Variants in WWOX observed in about 807,000 individuals in gnomAD.
WWOX encodes the protein WW domain-containing oxidoreductase.
A neutral mutation model predicts 46.2 loss-of-function variants in WWOX; 69 were observed. The ratio of observed to expected loss-of-function variants is 1.49; its 90% CI spans 1.23 to 1.82. The LOEUF is 1.82. WWOX is among the 40% of genes most tolerant of loss of function. The probability of loss-of-function intolerance (pLI) is 0.00; values close to 1 mark genes in which losing one functional copy is unlikely to be tolerated. For missense variants in WWOX, 919 were observed against 542.6 expected, an observed-to-expected ratio of 1.69 and a Z score of -6.89; for synonymous variants, 359 against 202.6, an observed-to-expected ratio of 1.77 and a Z score of -6.56.
At chr16:78,333,076 G>T (rs1197427530) in intron 5 of WWOX, among the ~76,000 whole-genome samples, 3 of 51,172 alleles carry the variant, frequency 5.9e-5, no homozygotes, top group East Asian at 2.4e-4. Context: ...TTGAGACAGA[G>T]TCTAGCTCTG....
intron 8 of WWOX, among the ~76,000 whole-genome samples, chr16:78,684,098 G>A (rs2738629): frequency 0.77 from 117,006 of 151,856 alleles, 45,247 homozygotes; most frequent in South Asian, 0.83. Context: ...TGGCCGTGCA[G>A]TTCAACTCAA....
intron 8 of WWOX, among the ~76,000 whole-genome samples, chr16:78,436,069 G>T (rs1309388865): frequency 2.6e-5 from 4 of 152,184 alleles, no homozygotes; most frequent in African/African-American, 9.7e-5. Context: ...CCATACTGGA[G>T]AGCGTGGTCA....
At chr16:78,313,933 C>T (rs941708256) in intron 5 of WWOX, among the ~76,000 whole-genome samples, 1 of 152,148 alleles carries the variant, frequency 6.6e-6, no homozygotes, top group East Asian at 1.9e-4. Context: ...AGTGACACTT[C>T]CCTTATATCC....
chr16:78,183,231 A>T (rs1004751078), intron 5 of WWOX, among the ~76,000 whole-genome samples: 8 of 152,080 alleles, frequency 5.3e-5, no homozygotes, highest in Admixed American at 5.2e-4. Context: ...AATAATATCT[A>T]CCACCCACTA....
intron 5 of WWOX, among the ~76,000 whole-genome samples, chr16:78,201,395 G>C (rs757277831): frequency 6.6e-6 from 1 of 152,170 alleles, no homozygotes; most frequent in Non-Finnish European, 1.5e-5. Flanking sequence ...ATTTGGGCTT[G>C]ATTATTCTAA....
chr16:78,108,482 C>T lies in WWOX; in HGVS notation c.167C>T (p.Ala56Val), dbSNP rs530912550. ...AAAACTGGAAAAAGAAAACGAGTGG[C>T]AGGAGGTTTGTATGTTGTTGTCTAA... is the stretch of plus-strand genomic sequence containing the variant. ...HPKTGKRKRV[A>V]GDLPYGWEQE... Residue 56 changes from alanine to valine, a missense_variant, in exon 2 of 9, where the codon GCA (alanine) becomes GTA (valine). By Grantham distance (64) the Ala-to-Val change is moderately conservative (BLOSUM62 0). Coordinates refer to ENST00000566780, the MANE Select transcript of WWOX (RefSeq NM_016373.4). 83 of 1,613,396 alleles carry T rather than the reference C, an allele frequency of 5.1e-5. No homozygotes were observed. The highest frequency in any genetic ancestry group is 6.7e-5 in the African/African-American group (5 of 74,746).
intron 8 of WWOX, among the ~76,000 whole-genome samples, chr16:79,022,840 G>T (rs947507675): frequency 6.6e-6 from 1 of 152,220 alleles, no homozygotes; most frequent in African/African-American, 2.4e-5. Flanking sequence ...AGCTTCTGCA[G>T]ATAGAGTCTG....
chr16:78,892,405 A>T (rs1192150542), intron 8 of WWOX: 1 of 152,200 alleles, frequency 6.6e-6, no homozygotes, highest in Non-Finnish European at 1.5e-5. Context: ...TTAATACTCT[A>T]ATGAGGGAAA....
chr16:79,197,391 GTTTAAATTGC>G (rs2051261620), intron 8 of WWOX, among the ~76,000 whole-genome samples: 1 of 152,154 alleles, frequency 6.6e-6, no homozygotes, highest in African/African-American at 2.4e-5. Context: ...TCTGCATTCA[GTTTAAATTGC>G]TTGTGGTGAG....
chr16:79,191,750 C>T (rs2051141159), intron 8 of WWOX, among the ~76,000 whole-genome samples: 1 of 152,154 alleles, frequency 6.6e-6, no homozygotes, highest in Admixed American at 6.5e-5. Flanking sequence ...AGTAGTGGAG[C>T]CTCAAGCTCA....
chr16:78,957,001 T>A (rs923543066), intron 8 of WWOX, among the ~76,000 whole-genome samples: 3 of 152,028 alleles, frequency 2.0e-5, no homozygotes, highest in African/African-American at 7.3e-5. Flanking sequence ...CCTGGCAGCT[T>A]GAGGACTCCG....
chr16:78,536,714 A>T (rs930373545), intron 8 of WWOX, among the ~76,000 whole-genome samples: 2 of 152,078 alleles, frequency 1.3e-5, no homozygotes, highest in Non-Finnish European at 2.9e-5. Flanking sequence ...CATGACTATG[A>T]AAAGGGAAAA....
intron 5 of WWOX, among the ~76,000 whole-genome samples, chr16:78,312,735 C>G (rs1389965229): frequency 2.6e-5 from 4 of 152,174 alleles, no homozygotes; most frequent in African/African-American, 9.7e-5. Flanking sequence ...TTGGAGGAAG[C>G]AAGACTGAAG....
intron 8 of WWOX, among the ~76,000 whole-genome samples, chr16:78,822,589 C>T (rs2051532885): frequency 1.3e-5 from 2 of 152,152 alleles, no homozygotes; most frequent in South Asian, 2.1e-4. Context: ...TAAATAAAGT[C>T]TTCAGAGCCT....
chr16:78,841,651 T>G (rs1423715409), intron 8 of WWOX, among the ~76,000 whole-genome samples: 1 of 152,240 alleles, frequency 6.6e-6, no homozygotes, highest in Non-Finnish European at 1.5e-5. Context: ...TTGTCTTATG[T>G]TTCTTGAATC....
At chr16:78,747,258 C>T (rs1168197319) in intron 8 of WWOX, among the ~76,000 whole-genome samples, 2 of 147,058 alleles carry the variant, frequency 1.4e-5, no homozygotes, top group Non-Finnish European at 1.5e-5. Flanking sequence ...GTAGCACGAT[C>T]TCGGCTCATT....
chr16:78,678,731 A>G (rs2047660912), intron 8 of WWOX, among the ~76,000 whole-genome samples: 1 of 152,186 alleles, frequency 6.6e-6, no homozygotes. Flanking sequence ...GAGGGCTGGA[A>G]GGGAGGAACG....
chr16:78,599,318 C>T (rs900928183), intron 8 of WWOX, among the ~76,000 whole-genome samples: 24 of 152,178 alleles, frequency 1.6e-4, no homozygotes, highest in African/African-American at 5.1e-4. Context: ...ATTAATCAAT[C>T]CACAGACATT....
intron 8 of WWOX, among the ~76,000 whole-genome samples, chr16:78,590,518 G>T (rs996736125): frequency 2.0e-5 from 3 of 152,244 alleles, no homozygotes; most frequent in Admixed American, 6.5e-5. Flanking sequence ...TTAGGGAGCA[G>T]ATTAGACAAG....
Sources: allele counts gnomAD v4.1 joint callset (sites outside exome capture counted in the v4.1 genomes callset), GRCh38; gene constraint gnomAD v4.1.1; transcripts MANE v1.5; gene names NCBI Gene and HGNC (gene_info 2026-07-23, HGNC 2026-07-21).